The following SPTBN1 variants were observed in gnomAD, a reference collection of about 807,000 sequenced individuals.
SPTBN1 encodes spectrin beta, non-erythrocytic 1.
Under a neutral mutation model 266.4 loss-of-function variants are expected in SPTBN1, and 32 were observed. The observed-to-expected ratio is 0.12, with a 90% CI of 0.09 to 0.16. SPTBN1 has a LOEUF of 0.16. Ranked by LOEUF, SPTBN1 falls within the 10% of genes least tolerant of loss-of-function variation. The pLI is 1.00. For synonymous variants in SPTBN1, 1,336 were observed against 1,162.2 expected (o/e 1.15, Z -3.04); for missense variants, 2,296 against 3,067.1 (o/e 0.75, Z 5.94).
At chr2:54,659,389 C>A in intron 31 of SPTBN1, 123 bp downstream of exon 31, 1 of 930,224 alleles carries the variant, frequency 1.1e-6, no homozygotes, top group Non-Finnish European at 1.7e-6. Context: ...TGATTGCTTC[C>A]ATAGACTGTT....
At chr2:54,506,559 C>T (rs1369638786) in intron 1 of SPTBN1, among the ~76,000 whole-genome samples, 3 of 151,528 alleles carry the variant, frequency 2.0e-5, no homozygotes, top group African/African-American at 7.3e-5. Flanking sequence ...AGGGAAAGTG[C>T]TTCTAATACT....
At chr2:54,481,437 TGTG>T (rs1558764108) in intron 1 of SPTBN1, among the ~76,000 whole-genome samples, 888 of 85,100 alleles carry the variant, frequency 0.01, 15 homozygotes, top group African/African-American at 0.052. Flanking sequence ...TGTGTGTGTG[TGTG>T]TTTTGTTTTG....
At chr2:54,654,676 T>A (rs1558474416) in intron 27 of SPTBN1, among the ~76,000 whole-genome samples, 2 of 152,218 alleles carry the variant, frequency 1.3e-5, no homozygotes, top group East Asian at 3.8e-4. Flanking sequence ...CTTTGACAGC[T>A]AACTCATCAA....
At chr2:54,491,033 C>G (rs749312362) in intron 1 of SPTBN1, among the ~76,000 whole-genome samples, 1 of 152,064 alleles carries the variant, frequency 6.6e-6, no homozygotes, top group African/African-American at 2.4e-5. Flanking sequence ...CTTCAAAGCT[C>G]GTTTGAGCTC....
rs199692018 is a variant in SPTBN1, at chr2:54,659,219, C to T, written c.6309C>T (p.Pro2103=). 3.2e-4 allele frequency: 515 copies of T among 1,613,928 alleles called. No homozygotes were observed. Among genetic ancestry groups the T allele is most frequent in the Non-Finnish European group, 3.9e-4 (457 of 1,179,988 alleles). The stretch of plus-strand genomic sequence containing the variant: ...AGAGGAAGAGGCGGCCGCCTTCTCC[C>T]GAGCCGAGCACGAAGGTTTCAGAGG... ...EEERKRRPPS[P]EPSTKVSEEA... Residue 2103 remains proline, a synonymous_variant, in exon 31 of 36, where the codon CCC becomes CCT. Coordinates refer to ENST00000356805, the MANE Select transcript of SPTBN1 (RefSeq NM_003128.3).
intron 1 of SPTBN1, among the ~76,000 whole-genome samples, chr2:54,489,153 A>T (rs1184414687): frequency 2.2e-4 from 4 of 18,400 alleles, no homozygotes; most frequent in Non-Finnish European, 3.8e-4. Context: ...TCTGTATTTA[A>T]AAAAAAAAAA....
intron 1 of SPTBN1, among the ~76,000 whole-genome samples, chr2:54,498,464 A>G (rs1669085936): frequency 6.6e-6 from 1 of 152,196 alleles, no homozygotes; most frequent in Admixed American, 6.5e-5. Context: ...ACCTTGGACA[A>G]CATTCCCTGA....
chr2:54,529,383 C>G (rs1444873561), intron 2 of SPTBN1: 2 of 673,354 alleles, frequency 3.0e-6, no homozygotes, highest in Admixed American at 1.9e-5. Flanking sequence ...CCTGGCCCGC[C>G]TAAAGCTGAA....
At chr2:54,600,243 CTCTT>C (rs1274720434) in intron 3 of SPTBN1, among the ~76,000 whole-genome samples, 1 of 152,184 alleles carries the variant, frequency 6.6e-6, no homozygotes, top group African/African-American at 2.4e-5. Context: ...GACAGACTGC[CTCTT>C]TGAGTCTGGG....
Position 54,671,236 on chromosome 2 carries a change from G to A in SPTBN1, c.*2667G>A, listed in dbSNP as rs1263633159. On this transcript the variant is annotated 3_prime_UTR_variant, in exon 36 of 36. Transcript: ENST00000356805. The stretch of plus-strand genomic sequence containing the variant: ...CCGGAACTGGCTGTGGTTTTTTTGG[G>A]TGTACCGAGAGTGCCAGTGACTGTG... The A allele has an allele frequency of 6.4e-6, 1 of 155,096 alleles. No homozygotes were observed. The highest frequency in any genetic ancestry group is 1.4e-5 in the Non-Finnish European group (1 of 70,156). 9.6% of individuals were successfully genotyped at this position (155,096 alleles called of 1,614,324 possible). A position where few individuals can be genotyped will look rare whatever the true frequency, so the allele number is the denominator to read the frequency against.
chr2:54,603,266 C>T lies in SPTBN1; in HGVS notation c.300+4023C>T, dbSNP rs183502184. On this transcript the variant is annotated intron_variant, in intron 3 of 35. Transcript: ENST00000356805. ...CATAGTTTGGACTAAGTGAAGAGAG[C>T]ATTTGGAGGTAGCAGGCATCAGGAA... Among the ~76,000 whole-genome samples the T allele has an allele frequency of 6.4e-3, 862 of 135,280 alleles. 3 individuals carry two copies. Among genetic ancestry groups the T allele is most frequent in the Middle Eastern group, 0.014 (4 of 284 alleles). 88.7% of individuals were successfully genotyped at this position (135,280 alleles called of 152,430 possible). A position where few individuals can be genotyped will look rare whatever the true frequency, so the allele number is the denominator to read the frequency against.
chr2:54,606,783 A>C (rs1309672171), intron 3 of SPTBN1, among the ~76,000 whole-genome samples: 2 of 152,178 alleles, frequency 1.3e-5, no homozygotes, highest in African/African-American at 4.8e-5. Context: ...CCGATTACAC[A>C]GGCATCCCTT....
chr2:54,607,500 A>G (rs1030451192), intron 3 of SPTBN1, among the ~76,000 whole-genome samples: 7 of 152,076 alleles, frequency 4.6e-5, no homozygotes, highest in Admixed American at 2.0e-4. Flanking sequence ...ACTGGTGCCT[A>G]TAACCCCGCT....
chr2:54,460,591 G>A (rs1053537526), intron 1 of SPTBN1, among the ~76,000 whole-genome samples: 1 of 152,196 alleles, frequency 6.6e-6, no homozygotes, highest in Non-Finnish European at 1.5e-5. Flanking sequence ...GCATCTTGAT[G>A]TCTGTCATCT....
intron 1 of SPTBN1, among the ~76,000 whole-genome samples, chr2:54,471,309 C>T (rs917380026): frequency 1.3e-5 from 2 of 152,150 alleles, no homozygotes; most frequent in African/African-American, 4.8e-5. Context: ...TGCTCATTTC[C>T]CTTGGTATCA....
At chr2:54,612,412 C>G in intron 4 of SPTBN1, 78 bp downstream of exon 4, 3 of 1,479,058 alleles carry the variant, frequency 2.0e-6, no homozygotes, top group East Asian at 4.6e-5. Flanking sequence ...GCTGGCCTCC[C>G]TGTATCAGAG....
chr2:54,489,335 T>A (rs1158072530), intron 1 of SPTBN1, among the ~76,000 whole-genome samples: 11 of 147,756 alleles, frequency 7.4e-5, no homozygotes, highest in African/African-American at 2.2e-4. Context: ...AAAAAAAAAA[T>A]AGTAAATGGT....
intron 2 of SPTBN1, among the ~76,000 whole-genome samples, chr2:54,546,954 G>T: frequency 1.0e-5 from 1 of 97,724 alleles, no homozygotes. Flanking sequence ...ATTTTTAATG[G>T]TGGTAAAAAA....
chr2:54,616,100 G>A (rs1179311389), intron 4 of SPTBN1, 107 bp from the exon 5 acceptor site: 1 of 873,870 alleles, frequency 1.1e-6, no homozygotes, highest in East Asian at 2.8e-5. Context: ...TGCAGGGCAA[G>A]GCTATGATCT....
Sources: allele counts gnomAD v4.1 joint callset (sites outside exome capture counted in the v4.1 genomes callset), GRCh38; gene constraint gnomAD v4.1.1; transcripts MANE v1.5; gene names NCBI Gene and HGNC (gene_info 2026-07-23, HGNC 2026-07-21).